CTBP2: variants seen among roughly 807,000 people sequenced by gnomAD.
CTBP2 encodes C-terminal binding protein 2.
Under a neutral mutation model 80.3 loss-of-function variants are expected in CTBP2, and 30 were observed. The observed-to-expected ratio is 0.37, with a 90% CI of 0.28 to 0.51. CTBP2 has a LOEUF of 0.51. Among genes scored for constraint, CTBP2 ranks in the 20% least tolerant of loss-of-function variants. CTBP2 has a pLI of 0.93. For missense variants in CTBP2, 1,212 were observed against 1,375.3 expected, an observed-to-expected ratio of 0.88 and a Z score of 1.88; for synonymous variants, 594 against 587.4, an observed-to-expected ratio of 1.01 and a Z score of -0.16.
chr10:125,078,926 GTCAGGAGT>G (rs1350071855), intron 2 of CTBP2, among the ~76,000 whole-genome samples: 1 of 150,842 alleles, frequency 6.6e-6, no homozygotes, highest in Non-Finnish European at 1.5e-5. Flanking sequence ...TCATTTTGGG[GTCAGGAGT>G]TCAAGACCAG....
intron 1 of CTBP2, chr10:125,138,113 A>T (rs988264168): frequency 6.6e-6 from 1 of 152,162 alleles, no homozygotes; most frequent in African/African-American, 2.4e-5. Context: ...CCCTAGACAC[A>T]CACATGAGGA....
At position 125,024,715 on chromosome 10, in the gene CTBP2, C is replaced by A. The variant is rs542774123; in HGVS notation, c.1678+1367G>T. Among the ~76,000 whole-genome samples, 328 of 152,284 alleles carry A rather than the reference C, an allele frequency of 2.2e-3. 1 individual carries two copies. Among genetic ancestry groups the A allele is most frequent in the African/African-American group, 7.6e-3 (314 of 41,554 alleles). On this transcript the variant is annotated intron_variant, in intron 1 of 8. Transcript: ENST00000309035. ...CCATTATCAGATGAAATTACTGGAG[C>A]AACAAATGTCATCGCCATGCAAATC...
At chr10:125,134,575 C>T (rs970546206) in intron 1 of CTBP2, among the ~76,000 whole-genome samples, 2 of 152,204 alleles carry the variant, frequency 1.3e-5, no homozygotes, top group East Asian at 1.9e-4. Context: ...CTCTGCCAGG[C>T]AGGACCAATC....
chr10:125,007,659 A>T (rs961657455), intron 1 of CTBP2, among the ~76,000 whole-genome samples: 1 of 152,174 alleles, frequency 6.6e-6, no homozygotes, highest in Non-Finnish European at 1.5e-5. Flanking sequence ...GGCAAATGGG[A>T]TGTTCCCCTG....
chr10:125,117,277 A>C (rs57931162), intron 1 of CTBP2, among the ~76,000 whole-genome samples: 1,985 of 152,290 alleles, frequency 0.013, 36 homozygotes, highest in African/African-American at 0.043. Context: ...GGTCATGTGC[A>C]GTCCTGGGGG....
At chr10:125,064,933 A>C (rs1322115140) in intron 2 of CTBP2, among the ~76,000 whole-genome samples, 1 of 152,214 alleles carries the variant, frequency 6.6e-6, no homozygotes, top group African/African-American at 2.4e-5. Flanking sequence ...CAGTTTCACA[A>C]GCTTCCCCAC....
chr10:125,044,163 C>T (rs1326995873), intron 2 of CTBP2, among the ~76,000 whole-genome samples: 3 of 152,196 alleles, frequency 2.0e-5, no homozygotes, highest in East Asian at 3.9e-4. Flanking sequence ...GGATCCCAAA[C>T]GACAGGACTC....
Position 124,984,836 on chromosome 10 carries a change from G to C in CTBP2, c.*4682C>G, listed in dbSNP as rs927516299. 2 of 1,614,000 alleles carry C rather than the reference G, an allele frequency of 1.2e-6. No homozygotes were observed. The highest frequency in any genetic ancestry group is 1.7e-6 in the Non-Finnish European group (2 of 1,179,992). Reference sequence around the variant, plus strand: ...AGTGGCTGGACTGCTGTGTGACGGAGGGGGGAGTTCTGGTTGCCATGCAGA... The same window carrying C: ...AGTGGCTGGACTGCTGTGTGACGGACGGGGGAGTTCTGGTTGCCATGCAGA... On this transcript the variant is annotated 3_prime_UTR_variant, in exon 9 of 9. Coordinates refer to ENST00000309035, the MANE Select transcript of CTBP2 (RefSeq NM_022802.3).
chr10:125,020,783 C>T lies in CTBP2; in HGVS notation c.1678+5299G>A, dbSNP rs562898936. 5.1e-4 allele frequency among the ~76,000 whole-genome samples: 77 copies of T among 152,356 alleles called. 1 individual carries two copies. Among genetic ancestry groups the T allele is most frequent in the African/African-American group, 1.6e-3 (66 of 41,592 alleles). On this transcript the variant is annotated intron_variant, in intron 1 of 8. Coordinates refer to ENST00000309035, the MANE Select transcript of CTBP2 (RefSeq NM_022802.3). ...CCAGCCAGCTGACACCAAGCATCCA[C>T]GTTACTCTCTGGCCAGACTCCTGGT...
intron 1 of CTBP2, among the ~76,000 whole-genome samples, chr10:125,159,339 C>CCGG (rs1232986018): frequency 2.7e-5 from 4 of 148,164 alleles, no homozygotes; most frequent in Admixed American, 6.7e-5. Flanking sequence ...GGCCGGGCTC[C>CCGG]CGGCGGCGGC....
chr10:125,104,695 G>C (rs1851193429), intron 2 of CTBP2, among the ~76,000 whole-genome samples: 1 of 152,206 alleles, frequency 6.6e-6, no homozygotes, highest in Non-Finnish European at 1.5e-5. Context: ...TACAAGGCTA[G>C]GGGAATCATC....
intron 2 of CTBP2, among the ~76,000 whole-genome samples, chr10:125,104,979 A>G (rs940576063): frequency 1.3e-5 from 2 of 150,758 alleles, no homozygotes; most frequent in African/African-American, 2.4e-5. Flanking sequence ...ATTCTCAGCC[A>G]TTTCCTAAAT....
At chr10:125,067,547 C>T (rs955074307) in intron 2 of CTBP2, among the ~76,000 whole-genome samples, 6 of 152,172 alleles carry the variant, frequency 3.9e-5, no homozygotes, top group African/African-American at 1.4e-4. Flanking sequence ...TTAAAAATAT[C>T]CATTTAGAAG....
intron 1 of CTBP2, among the ~76,000 whole-genome samples, chr10:125,158,270 C>T (rs926577043): frequency 5.3e-5 from 8 of 152,096 alleles, no homozygotes; most frequent in Non-Finnish European, 1.5e-5. Flanking sequence ...GTACTGAACA[C>T]GAGGTAATTT....
At position 124,988,875 on chromosome 10, in the gene CTBP2, CTTAATACT is replaced by C. The variant is rs970504464; in HGVS notation, c.*635_*642del. The C allele has an allele frequency of 3.7e-5, 4 of 109,284 alleles. No homozygotes were observed. The highest frequency in any genetic ancestry group is 7.3e-5 in the Non-Finnish European group (4 of 54,958). The allele number at this position is 109,284 out of a possible 1,614,324, so 6.8% of individuals were successfully genotyped here. Reference sequence around the variant, plus strand: ...ATTTGAGTACAAACAGCTTGTGAAACTTAATACTTTTTTTTTTTTTTTTGCATCATCAG... The same window carrying C: ...ATTTGAGTACAAACAGCTTGTGAAACTTTTTTTTTTTTTTTGCATCATCAG... On this transcript the variant is annotated 3_prime_UTR_variant, in exon 9 of 9. Transcript: ENST00000309035.
At chr10:125,152,012 T>TG (rs947791210) in intron 1 of CTBP2, among the ~76,000 whole-genome samples, 31 of 150,028 alleles carry the variant, frequency 2.1e-4, no homozygotes, top group East Asian at 8.0e-4. Context: ...AGGCGCGAGG[T>TG]GGGGGGGCCC....
chr10:125,074,466 T>C (rs926085275), intron 2 of CTBP2, among the ~76,000 whole-genome samples: 12 of 152,340 alleles, frequency 7.9e-5, no homozygotes, highest in Admixed American at 7.8e-4. Context: ...GCGATTCTCC[T>C]GCCTCAGCCT....
At chr10:125,022,197 G>A (rs1957112579) in intron 1 of CTBP2, among the ~76,000 whole-genome samples, 1 of 151,978 alleles carries the variant, frequency 6.6e-6, no homozygotes, top group Non-Finnish European at 1.5e-5. Flanking sequence ...CTTCCCTGCC[G>A]GTGCACACAC....
At chr10:124,990,889 G>A (rs1952517867) in intron 8 of CTBP2, among the ~76,000 whole-genome samples, 1 of 152,248 alleles carries the variant, frequency 6.6e-6, no homozygotes, top group South Asian at 2.1e-4. Flanking sequence ...CATGCTGGCA[G>A]CCTCATCTCA....
Sources: allele counts gnomAD v4.1 joint callset (sites outside exome capture counted in the v4.1 genomes callset), GRCh38; gene constraint gnomAD v4.1.1; transcripts MANE v1.5; gene names NCBI Gene and HGNC (gene_info 2026-07-23, HGNC 2026-07-21).